RFX4: variants seen among roughly 807,000 people sequenced by gnomAD.
The protein encoded by RFX4 is regulatory factor X4, also known as transcription factor RFX4.
A neutral mutation model predicts 95.0 loss-of-function variants in RFX4; 10 were observed. The ratio of observed to expected loss-of-function variants is 0.11; its 90% CI spans 0.06 to 0.18. The LOEUF is 0.18. Among genes scored for constraint, RFX4 ranks in the 10% least tolerant of loss-of-function variants. The pLI, the probability that RFX4 is intolerant of heterozygous loss-of-function variation, is 1.00. For synonymous variants in RFX4, 321 were observed against 340.7 expected, an observed-to-expected ratio of 0.94 and a Z score of 0.64; for missense variants, 640 against 922.0, an observed-to-expected ratio of 0.69 and a Z score of 3.96.
intron 7 of RFX4, chr12:106,693,209 A>G: frequency 3.1e-6 from 1 of 317,510 alleles, no homozygotes; most frequent in Non-Finnish European, 6.3e-6. Flanking sequence ...TGGAGGAACA[A>G]GTATCATTGG....
At position 106,593,789 on chromosome 12, in the gene RFX4, A is replaced by G. The variant is rs183484650; in HGVS notation, c.43+10426A>G. Among the ~76,000 whole-genome samples, 3 of 152,348 alleles carry G rather than the reference A, an allele frequency of 2.0e-5. No homozygotes were observed. In the East Asian group the frequency reaches 5.8e-4, roughly 29 times the overall value. ...AATTTGGGGTGTCCATACATAGAAC[A>G]TATTTATAATTTGTGTACTGAATCT... On this transcript the variant is annotated intron_variant, in intron 1 of 17. Coordinates refer to ENST00000392842, the MANE Select transcript of RFX4 (RefSeq NM_213594.3).
intron 11 of RFX4, among the ~76,000 whole-genome samples, chr12:106,716,536 T>C (rs115806821): frequency 1.3e-5 from 2 of 152,174 alleles, no homozygotes; most frequent in African/African-American, 4.8e-5. Flanking sequence ...CTATTAGAGA[T>C]CTCTTTCCCA....
rs35119944 is a variant in RFX4, at chr12:106,648,604, T to TAAA, written c.192-5614_192-5612dup. Among the ~76,000 whole-genome samples, 1,004 of 133,802 alleles carry TAAA rather than the reference T, an allele frequency of 7.5e-3. 15 individuals are homozygous for TAAA. Among genetic ancestry groups the TAAA allele is most frequent in the African/African-American group, 0.026 (944 of 35,790 alleles). The allele number at this position is 133,802 out of a possible 152,430, so 87.8% of individuals were successfully genotyped here. ...TGTCTTGTAAAGTCTGGGCTTTCTG[T>TAAA]AAAAAAAAAAAATCCTGTGGGGTTT... is the stretch of plus-strand genomic sequence containing the variant. On this transcript the variant is annotated intron_variant, in intron 3 of 17. Transcript: ENST00000392842.
intron 17 of RFX4, among the ~76,000 whole-genome samples, chr12:106,752,875 G>A (rs542599965): frequency 2.6e-5 from 4 of 152,138 alleles, no homozygotes; most frequent in African/African-American, 9.6e-5. Context: ...ACACTTCCCT[G>A]TGCCTTGGCT....
chr12:106,613,465 C>T (rs1338102361), intron 2 of RFX4, among the ~76,000 whole-genome samples: 4 of 151,428 alleles, frequency 2.6e-5, no homozygotes, highest in African/African-American at 4.9e-5. Flanking sequence ...CAGGTTCAAG[C>T]GATTCTCCTG....
At chr12:106,602,772 C>A (rs1484925134) in intron 1 of RFX4, among the ~76,000 whole-genome samples, 2 of 152,136 alleles carry the variant, frequency 1.3e-5, no homozygotes, top group African/African-American at 4.8e-5. Flanking sequence ...GAGAATCCCC[C>A]CTCCTTGTCT....
At position 106,727,468 on chromosome 12, in the gene RFX4, G is replaced by A. The variant is rs540406882; in HGVS notation, c.1352-4662G>A. 1.1e-4 allele frequency among the ~76,000 whole-genome samples: 16 copies of A among 152,190 alleles called. No individual in the cohort carries two copies. The East Asian group carries it at 3.1e-3, about 29-fold the overall frequency. On this transcript the variant is annotated intron_variant, in intron 13 of 17. Coordinates refer to ENST00000392842, the MANE Select transcript of RFX4 (RefSeq NM_213594.3). ...TGATATCTAATAAATATGTACTGGAGGTCCTAGCCAATGCCTTAAGAAAAG... is the reference window on the plus strand; with the variant it reads ...TGATATCTAATAAATATGTACTGGAAGTCCTAGCCAATGCCTTAAGAAAAG...
chr12:106,754,224 C>T (rs1344700086), intron 17 of RFX4, among the ~76,000 whole-genome samples: 1 of 152,188 alleles, frequency 6.6e-6, no homozygotes, highest in Non-Finnish European at 1.5e-5. Flanking sequence ...TATAGGTCTC[C>T]AACTGCGTCA....
chr12:106,607,975 C>G (rs2039872808), intron 1 of RFX4, among the ~76,000 whole-genome samples: 1 of 152,108 alleles, frequency 6.6e-6, no homozygotes, highest in East Asian at 1.9e-4. Context: ...GGCGGATGGC[C>G]TGAGGTCAGG....
intron 15 of RFX4, 173 bp downstream of exon 15, chr12:106,733,258 C>G (rs961950443): frequency 6.2e-6 from 4 of 640,374 alleles, no homozygotes; most frequent in Non-Finnish European, 1.1e-5. Context: ...ATTGCTTGAG[C>G]CCAGGAGCTA....
chr12:106,682,203 A>C (rs1293691756), intron 5 of RFX4, 149 bp downstream of exon 5: 6 of 736,638 alleles, frequency 8.1e-6, no homozygotes, highest in Non-Finnish European at 1.1e-5. Context: ...TATGACGGCC[A>C]GGGCCCCTCT....
chr12:106,614,895 A>G (rs1354502324), intron 2 of RFX4, among the ~76,000 whole-genome samples: 1 of 152,198 alleles, frequency 6.6e-6, no homozygotes, highest in Non-Finnish European at 1.5e-5. Context: ...GGAGATATTA[A>G]TATTTGTCAG....
intron 4 of RFX4, among the ~76,000 whole-genome samples, chr12:106,658,227 A>C (rs994397668): frequency 2.0e-4 from 31 of 152,214 alleles, no homozygotes; most frequent in African/African-American, 7.0e-4. Context: ...TAACCCTATG[A>C]AACTGGTGTT....
At chr12:106,733,400 C>G in intron 15 of RFX4, 2 of 260,208 alleles carry the variant, frequency 7.7e-6, no homozygotes, top group Non-Finnish European at 1.5e-5. Flanking sequence ...TGGGTATCTT[C>G]CTGGATTTGT....
At chr12:106,701,293 G>A (rs1418815347) in intron 8 of RFX4, among the ~76,000 whole-genome samples, 1 of 152,120 alleles carries the variant, frequency 6.6e-6, no homozygotes, top group African/African-American at 2.4e-5. Flanking sequence ...AGTTTTCTCT[G>A]TCTTTGGTTT....
chr12:106,618,457 G>A (rs992996535), intron 2 of RFX4, among the ~76,000 whole-genome samples: 2 of 151,896 alleles, frequency 1.3e-5, no homozygotes, highest in African/African-American at 4.8e-5. Flanking sequence ...ATTTAGGATT[G>A]CTATGTCCTC....
intron 1 of RFX4, 55 bp downstream of exon 1, chr12:106,583,418 AG>A (rs1565939261): frequency 2.0e-6 from 3 of 1,483,966 alleles, no homozygotes; most frequent in Non-Finnish European, 2.7e-6. Context: ...GAGAAGGGAG[AG>A]GGGGAACTTT....
chr12:106,672,864 GAA>G (rs2041313229), intron 4 of RFX4, among the ~76,000 whole-genome samples: 1 of 152,032 alleles, frequency 6.6e-6, no homozygotes, highest in African/African-American at 2.4e-5. Context: ...CTCAGAGTGG[GAA>G]AAGTCTTGAC....
intron 2 of RFX4, among the ~76,000 whole-genome samples, chr12:106,610,028 A>G (rs2039926182): frequency 1.3e-5 from 2 of 152,152 alleles, no homozygotes; most frequent in African/African-American, 4.8e-5. Flanking sequence ...ATTGCTGTAT[A>G]GTATTTCACT....
Sources: gnomAD v4.1 joint callset for allele counts (sites outside exome capture counted in the v4.1 genomes callset) on GRCh38, gnomAD v4.1.1 for gene constraint, MANE v1.5 for transcripts, NCBI Gene and HGNC (gene_info 2026-07-23, HGNC 2026-07-21) for gene names.